The following CASS4 variants were observed in gnomAD, a reference collection of about 807,000 sequenced individuals.
The protein encoded by CASS4 is cas scaffolding protein family member 4.
CASS4 carries 22 observed loss-of-function variants against 54.2 expected under a neutral mutation model. The ratio of observed to expected loss-of-function variants is 0.41; its 90% CI spans 0.29 to 0.58. The LOEUF is 0.58. CASS4 is among the 20% of genes least tolerant of loss of function. The pLI, the probability that CASS4 is intolerant of heterozygous loss-of-function variation, is 0.36. For missense variants in CASS4, 854 were observed against 986.7 expected (o/e 0.87, Z 1.80); for synonymous variants, 409 against 391.5 (o/e 1.04, Z -0.53).
At chr20:56,416,406 C>T (rs1180356964) in intron 1 of CASS4, among the ~76,000 whole-genome samples, 2 of 152,144 alleles carry the variant, frequency 1.3e-5, no homozygotes, top group South Asian at 2.1e-4. Context: ...GATAAGTGGG[C>T]TTATTATACG....
intron 1 of CASS4, among the ~76,000 whole-genome samples, chr20:56,432,472 A>G (rs977112851): frequency 7.0e-6 from 1 of 143,792 alleles, no homozygotes; most frequent in African/African-American, 2.6e-5. Flanking sequence ...GGCTCAAGCC[A>G]TCCACTCACC....
At chr20:56,447,296 C>T (rs1474031872) in intron 3 of CASS4, among the ~76,000 whole-genome samples, 3 of 152,156 alleles carry the variant, frequency 2.0e-5, no homozygotes, top group African/African-American at 7.2e-5. Context: ...ATTGTCCAGG[C>T]AATAATCAAA....
chr20:56,417,197 T>G (rs1306425374), intron 1 of CASS4, among the ~76,000 whole-genome samples: 1 of 152,238 alleles, frequency 6.6e-6, no homozygotes, highest in Admixed American at 6.5e-5. Context: ...TTAGGTTCTC[T>G]TTGTACCTTT....
At position 56,458,833 on chromosome 20, in the gene CASS4, C is replaced by A; in HGVS notation, c.*86C>A. On this transcript the variant is annotated 3_prime_UTR_variant, in exon 6 of 6. Coordinates refer to ENST00000679887, the MANE Select transcript of CASS4 (RefSeq NM_020356.4). ...AACTCTGCCCTATGGGAAAAGCCAG[C>A]CGGGGCATACACCAATGAGCTGAAA... 7.6e-7 allele frequency: 1 copy of A among 1,323,154 alleles called. No homozygotes were observed. Among genetic ancestry groups the A allele is most frequent in the East Asian group, 2.5e-5 (1 of 39,238 alleles). The allele number at this position is 1,323,154 out of a possible 1,614,324, so 82.0% of individuals were successfully genotyped here.
In CASS4 at chr20:56,458,381, T is replaced by G. The variant is rs956941315; in HGVS notation, c.1995T>G (p.Thr665=). The part of the protein sequence containing the change: ...PLIPQPSSQQ[T]PERKPRLSEH... ...TACCTCAGCCTTCGAGTCAACAGACTCCTGAGAGGAAACCCCGCTTATCTG... is the reference window on the plus strand; with the variant it reads ...TACCTCAGCCTTCGAGTCAACAGACGCCTGAGAGGAAACCCCGCTTATCTG... Residue 665 remains threonine, a synonymous_variant, in exon 6 of 6, where the codon ACT becomes ACG. Coordinates refer to ENST00000679887, the MANE Select transcript of CASS4 (RefSeq NM_020356.4). 3 of 1,613,772 alleles carry G rather than the reference T, an allele frequency of 1.9e-6. No homozygotes were observed. The African/African-American group carries it at 4.0e-5, about 22-fold the overall frequency.
chr20:56,436,174 CCAATT>C (rs1980149204), intron 1 of CASS4, among the ~76,000 whole-genome samples: 1 of 151,966 alleles, frequency 6.6e-6, no homozygotes, highest in African/African-American at 2.4e-5. Flanking sequence ...AACTGCCAAT[CCAATT>C]CAGAAGGAAA....
chr20:56,448,623 G>GC (rs1292273063), intron 3 of CASS4, among the ~76,000 whole-genome samples: 2 of 152,072 alleles, frequency 1.3e-5, no homozygotes, highest in African/African-American at 4.8e-5. Flanking sequence ...GAGACTCACA[G>GC]CCCAACTCCC....
At position 56,445,928 on chromosome 20, in the gene CASS4, G is replaced by C. The variant is rs149841530; in HGVS notation, c.488G>C (p.Arg163Pro). 6.5e-4 allele frequency: 1,047 copies of C among 1,613,868 alleles called. 11 individuals carry two copies. The South Asian group carries it at 8.2e-3, about 13-fold the overall frequency. ...ATCCTCACGCTTCCCAGACCTGTCC[G>C]GGCCTCACTGCCGACTCTGCCTTCC... ...QAILTLPRPVRASLPTLPSQV... is the reference protein window; with the variant it reads ...QAILTLPRPVPASLPTLPSQV... Residue 163 changes from arginine to proline, a missense_variant, in exon 3 of 6, where the codon CGG (arginine) becomes CCG (proline). Coordinates refer to ENST00000679887, the MANE Select transcript of CASS4 (RefSeq NM_020356.4).
intron 1 of CASS4, among the ~76,000 whole-genome samples, chr20:56,415,898 T>A (rs1272298476): frequency 2.0e-5 from 3 of 152,248 alleles, no homozygotes; most frequent in Non-Finnish European, 4.4e-5. Context: ...TTTTAAAAAT[T>A]GTTTTATAGA....
Position 56,437,697 on chromosome 20 carries a change from G to C in CASS4, c.459+111G>C. The C allele has an allele frequency of 9.8e-7, 1 of 1,023,576 alleles. No homozygotes were observed. Among genetic ancestry groups the C allele is most frequent in the Non-Finnish European group, 1.4e-6 (1 of 728,998 alleles). The allele number at this position is 1,023,576 out of a possible 1,614,324, so 63.4% of individuals were successfully genotyped here. A position where few individuals can be genotyped will look rare whatever the true frequency, so the allele number is the denominator to read the frequency against. ...TTCAGATCAAACACGCAAAACGGGA[G>C]CCCAGATTGCTGGCAATCACGCTCG... is the stretch of plus-strand genomic sequence containing the variant. On this transcript the variant is annotated intron_variant, in intron 2 of 5. Transcript: ENST00000679887. This position sits in a 1 kb window ranked among gnomAD's most constrained non-coding sequence, Gnocchi z 4.7.
chr20:56,436,107 C>G (rs1348346560), intron 1 of CASS4, among the ~76,000 whole-genome samples: 2 of 152,040 alleles, frequency 1.3e-5, no homozygotes, highest in African/African-American at 4.8e-5. Flanking sequence ...GTACCTGGGT[C>G]TGGGCCTGAC....
At chr20:56,449,799 A>C (rs916336866) in intron 3 of CASS4, among the ~76,000 whole-genome samples, 4 of 152,238 alleles carry the variant, frequency 2.6e-5, no homozygotes, top group South Asian at 4.1e-4. Context: ...GCACAGTGTC[A>C]TCCAGCTTCG....
rs1046061729 is a variant in CASS4, at chr20:56,437,722, G to A, written c.459+136G>A. ...GCCCAGATTGCTGGCAATCACGCTCGGGGAGCTTGTGTGCCAGGTTGGGAT... is the reference window on the plus strand; with the variant it reads ...GCCCAGATTGCTGGCAATCACGCTCAGGGAGCTTGTGTGCCAGGTTGGGAT... On this transcript the variant is annotated intron_variant, in intron 2 of 5. Transcript: ENST00000679887. The surrounding 1 kb of genome is among the most constrained non-coding windows in gnomAD (Gnocchi z 4.7). 1.4e-5 allele frequency: 11 copies of A among 810,210 alleles called. 1 individual carries two copies. Among genetic ancestry groups the A allele is most frequent in the East Asian group, 2.9e-5 (1 of 34,682 alleles). 50.2% of individuals were successfully genotyped at this position (810,210 alleles called of 1,614,324 possible).
chr20:56,449,410 G>A (rs1380493805), intron 3 of CASS4, among the ~76,000 whole-genome samples: 1 of 151,888 alleles, frequency 6.6e-6, no homozygotes. Context: ...AATGAACAAT[G>A]AGAACACTTG....
chr20:56,442,675 AC>A (rs11476748), intron 2 of CASS4, among the ~76,000 whole-genome samples: 10,987 of 148,566 alleles, frequency 0.074, 1,088 homozygotes, highest in African/African-American at 0.21. Context: ...TAAAAAAAAA[AC>A]CCACCACATC....
intron 5 of CASS4, among the ~76,000 whole-genome samples, chr20:56,454,343 C>T (rs201078486): frequency 2.0e-5 from 3 of 152,320 alleles, no homozygotes; most frequent in East Asian, 3.9e-4. Flanking sequence ...CTTTCAGCCC[C>T]GACCTTTGTG....
chr20:56,444,452 C>T (rs1200555100), intron 2 of CASS4, among the ~76,000 whole-genome samples: 14 of 152,210 alleles, frequency 9.2e-5, no homozygotes, highest in Admixed American at 9.2e-4. Context: ...GCTTACCAGC[C>T]TGTGCCCAGC....
chr20:56,440,642 A>G (rs1224154020), intron 2 of CASS4, among the ~76,000 whole-genome samples: 1 of 152,254 alleles, frequency 6.6e-6, no homozygotes, highest in Non-Finnish European at 1.5e-5. Context: ...GGAGTCCACT[A>G]TCAACTGCTA....
At chr20:56,439,661 G>A (rs972149634) in intron 2 of CASS4, among the ~76,000 whole-genome samples, 1 of 152,030 alleles carries the variant, frequency 6.6e-6, no homozygotes, top group Non-Finnish European at 1.5e-5. Context: ...CAGCCTGGGT[G>A]ACTGACCGGG....
Sources: gnomAD v4.1 joint callset for allele counts (sites outside exome capture counted in the v4.1 genomes callset) on GRCh38, gnomAD v4.1.1 for gene constraint, Gnocchi (gnomAD v3.1) non-coding constraint, MANE v1.5 for transcripts, NCBI Gene and HGNC (gene_info 2026-07-23, HGNC 2026-07-21) for gene names.